Variants in DCLK1 observed in about 807,000 individuals in gnomAD.
The protein encoded by DCLK1 is doublecortin like kinase 1.
A neutral mutation model predicts 86.2 loss-of-function variants in DCLK1; 16 were observed. The ratio of observed to expected loss-of-function variants is 0.19; its 90% CI spans 0.13 to 0.28. The LOEUF is 0.28. Among genes scored for constraint, DCLK1 ranks in the 10% least tolerant of loss-of-function variants. DCLK1 has a pLI of 1.00. For missense variants in DCLK1, 590 were observed against 940.2 expected (o/e 0.63, Z 4.87); for synonymous variants, 369 against 370.5 (o/e 1.00, Z 0.05).
At chr13:35,812,151 C>T (rs1219820187) in intron 11 of DCLK1, among the ~76,000 whole-genome samples, 2 of 152,150 alleles carry the variant, frequency 1.3e-5, no homozygotes, top group Non-Finnish European at 2.9e-5. Flanking sequence ...TAATTCCAGC[C>T]ACGATCAAAA....
chr13:35,946,777 T>C (rs903809900), intron 4 of DCLK1, among the ~76,000 whole-genome samples: 2 of 152,246 alleles, frequency 1.3e-5, no homozygotes, highest in Admixed American at 1.3e-4. Context: ...ACATTTCACA[T>C]TCATTTCCTA....
At chr13:35,918,553 G>C (rs1875571029) in intron 4 of DCLK1, among the ~76,000 whole-genome samples, 1 of 152,132 alleles carries the variant, frequency 6.6e-6, no homozygotes, top group African/African-American at 2.4e-5. Flanking sequence ...AACCAGCCCT[G>C]ATTTTAAAGG....
At position 35,770,084 on chromosome 13, in the gene DCLK1, A is replaced by C. The variant is rs1232209214; in HGVS notation, c.*4451T>G. 3.9e-5 allele frequency: 6 copies of C among 152,190 alleles called. No individual in the cohort carries two copies. The highest frequency in any genetic ancestry group is 1.4e-4 in the African/African-American group (6 of 41,458). The allele number at this position is 152,190 out of a possible 1,614,324, so 9.4% of individuals were successfully genotyped here. On this transcript the variant is annotated 3_prime_UTR_variant, in exon 17 of 17. Transcript: ENST00000360631. ...AGTTTACGACCCTTAATGTTACTGC[A>C]TGTATGGTTGCATATTTGAGATGAT...
intron 3 of DCLK1, among the ~76,000 whole-genome samples, chr13:35,973,120 G>A (rs1879150268): frequency 6.6e-6 from 1 of 152,182 alleles, no homozygotes; most frequent in Admixed American, 6.5e-5. Flanking sequence ...TGGGGCTAAG[G>A]GAGGAGAGGC....
At chr13:36,062,912 T>G (rs1781751678) in intron 3 of DCLK1, among the ~76,000 whole-genome samples, 1 of 152,204 alleles carries the variant, frequency 6.6e-6, no homozygotes, top group African/African-American at 2.4e-5. Context: ...CTGACCCAAG[T>G]GTCATCTGCA....
intron 3 of DCLK1, among the ~76,000 whole-genome samples, chr13:35,995,593 T>C (rs781719830): frequency 4.6e-5 from 7 of 152,236 alleles, no homozygotes; most frequent in Non-Finnish European, 1.0e-4. Flanking sequence ...GTTTCAATGA[T>C]GATTAACAGA....
chr13:35,914,922 T>C (rs1474845347), intron 4 of DCLK1, among the ~76,000 whole-genome samples: 3 of 152,088 alleles, frequency 2.0e-5, no homozygotes, highest in East Asian at 1.9e-4. Flanking sequence ...GGAGATGACT[T>C]GAAGATGAGT....
At chr13:35,976,711 T>C (rs1377180882) in intron 3 of DCLK1, among the ~76,000 whole-genome samples, 2 of 151,170 alleles carry the variant, frequency 1.3e-5, no homozygotes, top group Non-Finnish European at 3.0e-5. Flanking sequence ...TTTTTTTGTA[T>C]TTTTAGTAGA....
At chr13:35,968,046 T>TA (rs1482836114) in intron 3 of DCLK1, among the ~76,000 whole-genome samples, 2 of 150,498 alleles carry the variant, frequency 1.3e-5, no homozygotes, top group South Asian at 2.1e-4. Context: ...AAAATAAAAT[T>TA]TAAAAAAAAA....
intron 3 of DCLK1, among the ~76,000 whole-genome samples, chr13:36,046,657 G>A (rs149565103): frequency 5.2e-4 from 79 of 152,324 alleles, no homozygotes; most frequent in African/African-American, 1.9e-3. Flanking sequence ...TCTGCGGAGT[G>A]TGTTATGACC....
intron 3 of DCLK1, among the ~76,000 whole-genome samples, chr13:35,968,359 A>G (rs1430779561): frequency 6.6e-6 from 1 of 152,178 alleles, no homozygotes; most frequent in Non-Finnish European, 1.5e-5. Context: ...CGCAAAACTC[A>G]ACACAGCATG....
chr13:36,007,690 T>G (rs1284615154), intron 3 of DCLK1, among the ~76,000 whole-genome samples: 2 of 152,200 alleles, frequency 1.3e-5, no homozygotes, highest in Non-Finnish European at 2.9e-5. Context: ...CCATACTATT[T>G]GTGAGTAGAA....
intron 4 of DCLK1, among the ~76,000 whole-genome samples, chr13:35,915,011 A>G (rs1214939820): frequency 5.9e-5 from 9 of 152,240 alleles, no homozygotes; most frequent in Non-Finnish European, 1.3e-4. Flanking sequence ...CTGAAAAGAA[A>G]CATTTATTGT....
At chr13:36,091,710 A>G (rs746067786) in intron 3 of DCLK1, among the ~76,000 whole-genome samples, 47 of 152,224 alleles carry the variant, frequency 3.1e-4, no homozygotes, top group Admixed American at 1.1e-3. Context: ...TCCTAGCGTG[A>G]TATGTGTCAT....
chr13:36,017,688 A>T (rs1881593364), intron 3 of DCLK1, among the ~76,000 whole-genome samples: 1 of 152,174 alleles, frequency 6.6e-6, no homozygotes, highest in East Asian at 1.9e-4. Flanking sequence ...ACCACATGGA[A>T]TTATCAGAGC....
chr13:35,825,452 C>T (rs1439529674), intron 10 of DCLK1, among the ~76,000 whole-genome samples: 1 of 152,132 alleles, frequency 6.6e-6, no homozygotes, highest in African/African-American at 2.4e-5. Flanking sequence ...TTAAGTGCAA[C>T]GAGGACCTTA....
intron 10 of DCLK1, among the ~76,000 whole-genome samples, 184 bp downstream of exon 10, chr13:35,827,451 C>T (rs777526555): frequency 6.6e-6 from 1 of 152,178 alleles, no homozygotes; most frequent in Non-Finnish European, 1.5e-5. Context: ...TCATGGGCCT[C>T]TTTGTGCCAA....
At chr13:35,883,597 C>G (rs6563206) in intron 4 of DCLK1, among the ~76,000 whole-genome samples, 1 of 151,984 alleles carries the variant, frequency 6.6e-6, no homozygotes, top group Non-Finnish European at 1.5e-5. Flanking sequence ...TATAGCAACA[C>G]AAATGGACTA....
chr13:36,126,096 C>A lies in DCLK1; in HGVS notation c.42G>T (p.Glu14Asp). 1 of 1,607,874 alleles carries A rather than the reference C, an allele frequency of 6.2e-7. No homozygotes were observed. Residue 14 changes from glutamate to aspartate, a missense_variant, in exon 2 of 17, where the codon GAG becomes GAT. Glu to Asp is a conservative substitution (Grantham distance 45, BLOSUM62 2). This residue lies in a region of DCLK1 where 50 missense variants were observed against 47.8 expected (regional missense o/e 1.05). Transcript: ENST00000360631. ...GRDMELEHFD[E>D]RDKAQRYSRG... Reference sequence around the variant, plus strand: ...GGCTGTATCTCTGCGCCTTATCCCGCTCGTCGAAGTGCTCCAGCTCCATGT... The same window carrying A: ...GGCTGTATCTCTGCGCCTTATCCCGATCGTCGAAGTGCTCCAGCTCCATGT...
Sources: gnomAD v4.1 joint callset for allele counts (sites outside exome capture counted in the v4.1 genomes callset) on GRCh38, gnomAD v4.1.1 for gene constraint, gnomAD v4.1.1 regional missense constraint, MANE v1.5 for transcripts, NCBI Gene and HGNC (gene_info 2026-07-23, HGNC 2026-07-21) for gene names.